The following ZC3H14 variants were observed in gnomAD, a reference collection of about 807,000 sequenced individuals.
ZC3H14 encodes the protein zinc finger CCCH domain-containing protein 14.
Under a neutral mutation model 92.4 loss-of-function variants are expected in ZC3H14, and 31 were observed. The ratio of observed to expected loss-of-function variants is 0.34; its 90% CI spans 0.25 to 0.45. The LOEUF (loss-of-function observed/expected upper bound fraction) is 0.45, where lower values mean the gene tolerates loss of function less well. ZC3H14 is among the 20% of genes least tolerant of loss of function. The pLI, the probability that ZC3H14 is intolerant of heterozygous loss-of-function variation, is 1.00. For missense variants in ZC3H14, 781 were observed against 897.3 expected, an observed-to-expected ratio of 0.87 and a Z score of 1.66; for synonymous variants, 321 against 300.9, an observed-to-expected ratio of 1.07 and a Z score of -0.69.
intron 9 of ZC3H14, among the ~76,000 whole-genome samples, chr14:88,579,946 T>C (rs115057033): frequency 0.014 from 2,132 of 152,330 alleles, 49 homozygotes; most frequent in African/African-American, 0.049. Context: ...GTGCAGTGGC[T>C]CATGCCTGTA....
chr14:88,589,012 A>G (rs2082779961), intron 9 of ZC3H14, among the ~76,000 whole-genome samples: 1 of 151,870 alleles, frequency 6.6e-6, no homozygotes, highest in Non-Finnish European at 1.5e-5. Context: ...TTTTCTTTTC[A>G]AGGAATTCAC....
chr14:88,612,290 C>T lies in ZC3H14; in HGVS notation c.*539C>T. ...TTTTAAGTGAATTTAGTTTGAAAAGCATGATTATACAGGCCTCTCAGGCTG... is the reference window on the plus strand; with the variant it reads ...TTTTAAGTGAATTTAGTTTGAAAAGTATGATTATACAGGCCTCTCAGGCTG... On this transcript the variant is annotated 3_prime_UTR_variant, in exon 17 of 17. Coordinates refer to ENST00000251038, the MANE Select transcript of ZC3H14 (RefSeq NM_024824.5). 1 of 157,742 alleles carries T rather than the reference C, an allele frequency of 6.3e-6. No homozygotes were observed. The highest frequency in any genetic ancestry group is 1.8e-4 in the East Asian group (1 of 5,408). The allele number at this position is 157,742 out of a possible 1,614,324, so 9.8% of individuals were successfully genotyped here. A position where few individuals can be genotyped will look rare whatever the true frequency, so the allele number is the denominator to read the frequency against.
At position 88,627,393 on chromosome 14, in the gene ZC3H14, C is replaced by T. The variant is rs2090076200; in HGVS notation, c.*15642C>T. The stretch of plus-strand genomic sequence containing the variant: ...TTAATAATAAATACATAGTTTCTTG[C>T]TGGAAGAAAATAGCAGTGAATCATT... On this transcript the variant is annotated 3_prime_UTR_variant, in exon 17 of 17. Transcript: ENST00000251038. 2 of 482,844 alleles carry T rather than the reference C, an allele frequency of 4.1e-6. No individual in the cohort carries two copies. Among genetic ancestry groups the T allele is most frequent in the African/African-American group, 3.9e-5 (2 of 51,406 alleles). The allele number at this position is 482,844 out of a possible 1,614,324, so 29.9% of individuals were successfully genotyped here.
intron 9 of ZC3H14, chr14:88,594,624 CT>C: frequency 6.2e-7 from 1 of 1,600,766 alleles, no homozygotes; most frequent in Non-Finnish European, 8.5e-7. Flanking sequence ...TTGATCACTG[CT>C]TTTACTTTCG....
At position 88,625,422 on chromosome 14, in the gene ZC3H14, C is replaced by T. The variant is rs371038471; in HGVS notation, c.*13671C>T. 4.2e-5 allele frequency: 10 copies of T among 237,046 alleles called. No homozygotes were observed. Among genetic ancestry groups the T allele is most frequent in the Non-Finnish European group, 7.3e-5 (9 of 122,606 alleles). 14.7% of individuals were successfully genotyped at this position (237,046 alleles called of 1,614,324 possible). A position where few individuals can be genotyped will look rare whatever the true frequency, so the allele number is the denominator to read the frequency against. On this transcript the variant is annotated 3_prime_UTR_variant, in exon 17 of 17. Transcript: ENST00000251038. Reference sequence around the variant, plus strand: ...GGGTTTATTTTTTATTTTTTTGAGACGGAGTTTCGCTCTTTGTTGCCCAGG... The same window carrying T: ...GGGTTTATTTTTTATTTTTTTGAGATGGAGTTTCGCTCTTTGTTGCCCAGG...
At chr14:88,607,946 C>T (rs2085817556) in intron 13 of ZC3H14, among the ~76,000 whole-genome samples, 2 of 95,156 alleles carry the variant, frequency 2.1e-5, no homozygotes, top group Non-Finnish European at 4.1e-5. Flanking sequence ...CCCCATCTCA[C>T]CCTGCAATTG....
In ZC3H14 at chr14:88,607,402, C is replaced by T. The variant is rs773951021; in HGVS notation, c.1868+39C>T. On this transcript the variant is annotated intron_variant, in intron 13 of 16. Coordinates refer to ENST00000251038, the MANE Select transcript of ZC3H14 (RefSeq NM_024824.5). ...CCCCATCTCACCCTGCAAGTGAGTA[C>T]CATCCCCCCATCTCACCCTGCAAGT... is the stretch of plus-strand genomic sequence containing the variant. The T allele has an allele frequency of 3.1e-5, 49 of 1,557,220 alleles. No individual in the cohort carries two copies. The East Asian group carries it at 1.1e-3, about 35-fold the overall frequency.
chr14:88,567,233 G>A (rs1230437730), intron 2 of ZC3H14, among the ~76,000 whole-genome samples: 6 of 150,336 alleles, frequency 4.0e-5, no homozygotes, highest in Non-Finnish European at 7.4e-5. Flanking sequence ...CTCCTGCCTC[G>A]GCCTCCCGAG....
At position 88,608,382 on chromosome 14, in the gene ZC3H14, T is replaced by G. The variant is rs746874993; in HGVS notation, c.1869-885T>G. 7 of 439,384 alleles carry G rather than the reference T, an allele frequency of 1.6e-5. No individual in the cohort carries two copies. In the East Asian group the frequency reaches 4.2e-4, roughly 26 times the overall value. 27.2% of individuals were successfully genotyped at this position (439,384 alleles called of 1,614,324 possible). On this transcript the variant is annotated intron_variant, in intron 13 of 16. Transcript: ENST00000251038. The stretch of plus-strand genomic sequence containing the variant: ...ACCCTGCAAGTCATAGCCAGCTGAT[T>G]TTGGCTTTCAGTTTAGTGTCTGTAT...
At chr14:88,595,448 A>G (rs1414064963) in intron 9 of ZC3H14, among the ~76,000 whole-genome samples, 1 of 152,190 alleles carries the variant, frequency 6.6e-6, no homozygotes, top group African/African-American at 2.4e-5. Flanking sequence ...TGTACTGTTG[A>G]TGTGAAGGAG....
chr14:88,605,597 G>T (rs1194031119), intron 12 of ZC3H14, among the ~76,000 whole-genome samples: 3 of 152,208 alleles, frequency 2.0e-5, no homozygotes, highest in Admixed American at 1.3e-4. Context: ...GCCTCCCAAA[G>T]TGCTGGGGTT....
intron 3 of ZC3H14, 113 bp from the exon 4 acceptor site, chr14:88,570,971 T>C: frequency 1.2e-6 from 1 of 800,182 alleles, no homozygotes; most frequent in Non-Finnish European, 1.8e-6. Context: ...AATAAAAATA[T>C]AAAAAAATTT....
rs2090039842 is a variant in ZC3H14 at position 88,627,166 on chromosome 14, C to T, written c.*15415C>T. The T allele has an allele frequency of 1.1e-6, 1 of 885,604 alleles. No individual in the cohort carries two copies. Among genetic ancestry groups the T allele is most frequent in the East Asian group, 2.4e-5 (1 of 40,904 alleles). The allele number at this position is 885,604 out of a possible 1,614,324, so 54.9% of individuals were successfully genotyped here. On this transcript the variant is annotated 3_prime_UTR_variant, in exon 17 of 17. Transcript: ENST00000251038. ...AAGGCTTAGAAGAGAGGCCAATGGC[C>T]CCTGCTCTACTACCTAGCAATACAT...
At chr14:88,575,804 A>G (rs368535749) in intron 7 of ZC3H14, 36 bp from the exon 8 acceptor site, 25 of 1,563,516 alleles carry the variant, frequency 1.6e-5, no homozygotes, top group African/African-American at 6.8e-5. Flanking sequence ...ACTGAAATTT[A>G]AAGTTTAATA....
rs1466311959 is a variant in ZC3H14, at chr14:88,617,851, A to C, written c.*6100A>C. On this transcript the variant is annotated 3_prime_UTR_variant, in exon 17 of 17. Coordinates refer to ENST00000251038, the MANE Select transcript of ZC3H14 (RefSeq NM_024824.5). ...GTCATACAGCCAGGAAATTTGAACA[A>C]ATTTGGAAGCTTTGACTTCTAATAG... The C allele has an allele frequency of 6.4e-6, 1 of 156,314 alleles. No homozygotes were observed. Among genetic ancestry groups the C allele is most frequent in the African/African-American group, 2.4e-5 (1 of 41,514 alleles). The allele number at this position is 156,314 out of a possible 1,614,324, so 9.7% of individuals were successfully genotyped here. A position where few individuals can be genotyped will look rare whatever the true frequency, so the allele number is the denominator to read the frequency against.
chr14:88,593,193 C>A (rs1246132980), intron 9 of ZC3H14, among the ~76,000 whole-genome samples: 2 of 152,038 alleles, frequency 1.3e-5, no homozygotes, highest in Non-Finnish European at 2.9e-5. Context: ...GTCTCGAACT[C>A]CTGACCTCAT....
chr14:88,579,433 T>G (rs2081608235), intron 9 of ZC3H14, among the ~76,000 whole-genome samples: 1 of 152,158 alleles, frequency 6.6e-6, no homozygotes. Context: ...CTCAGTGCAG[T>G]GGCAGATGAG....
intron 9 of ZC3H14, among the ~76,000 whole-genome samples, 163 bp downstream of exon 9, chr14:88,578,303 C>A (rs767497149): frequency 6.6e-6 from 1 of 152,054 alleles, no homozygotes; most frequent in African/African-American, 2.4e-5. Flanking sequence ...ACCAACACTT[C>A]AGAAAAAAAT....
chr14:88,598,828 C>T (rs2084213235), intron 10 of ZC3H14, among the ~76,000 whole-genome samples: 1 of 152,184 alleles, frequency 6.6e-6, no homozygotes, highest in South Asian at 2.1e-4. Flanking sequence ...GGCTCACGCC[C>T]ATAATCCCAG....
Sources: gnomAD v4.1 joint callset for allele counts (sites outside exome capture counted in the v4.1 genomes callset) on GRCh38, gnomAD v4.1.1 for gene constraint, MANE v1.5 for transcripts, NCBI Gene and HGNC (gene_info 2026-07-23, HGNC 2026-07-21) for gene names.